Variants in C8orf34 observed in about 807,000 individuals in gnomAD.
The protein encoded by C8orf34 is uncharacterized protein C8orf34.
A neutral mutation model predicts 68.3 loss-of-function variants in C8orf34; 65 were observed. The ratio of observed to expected loss-of-function variants is 0.95; its 90% CI spans 0.78 to 1.17. The LOEUF (loss-of-function observed/expected upper bound fraction) is 1.17. C8orf34 is among the 50% of genes most tolerant of loss of function. The pLI, the probability that C8orf34 is intolerant of heterozygous loss-of-function variation, is 0.00. For synonymous variants in C8orf34, 244 were observed against 241.2 expected (o/e 1.01, Z -0.11); for missense variants, 664 against 655.4 (o/e 1.01, Z -0.14).
intron 8 of C8orf34, among the ~76,000 whole-genome samples, chr8:68,648,996 G>A (rs7017399): frequency 0.84 from 127,542 of 152,132 alleles, 53,521 homozygotes; most frequent in Middle Eastern, 0.89. Flanking sequence ...ACCATACATT[G>A]TATTTGGTTT....
chr8:68,469,737 A>T (rs1812298504), intron 4 of C8orf34, among the ~76,000 whole-genome samples: 1 of 151,688 alleles, frequency 6.6e-6, no homozygotes, highest in South Asian at 2.1e-4. Flanking sequence ...TTTTCAGTGG[A>T]AAGTAGTTAG....
At chr8:68,785,206 A>G (rs915918422) in intron 11 of C8orf34, among the ~76,000 whole-genome samples, 2 of 149,722 alleles carry the variant, frequency 1.3e-5, no homozygotes, top group Non-Finnish European at 3.0e-5. Flanking sequence ...TCTGTCTCAG[A>G]AAAAAAAAAG....
Position 68,331,173 on chromosome 8 carries a change from GT to G in C8orf34, c.162del (p.Gly56AlafsTer56), listed in dbSNP as rs1805566465. 3 of 1,532,668 alleles carry G rather than the reference GT, an allele frequency of 2.0e-6. No homozygotes were observed. Among genetic ancestry groups the G allele is most frequent in the South Asian group, 2.4e-5 (2 of 84,004 alleles). 94.9% of individuals were successfully genotyped at this position (1,532,668 alleles called of 1,614,324 possible). ...GGGCAGCCGAGGCTCCGGAGCTCCT[GT>G]CCCGGCCCCAGTCCGGGTAAAAGGA... Reference protein sequence around the residue: ...HAGQPRLRSSCPGPSPGKRRV... With the variant: ...HAGQPRLRSSXPGPSPGKRRV... On this transcript the variant is annotated frameshift_variant, in exon 1 of 14. Transcript: ENST00000518698. LOFTEE classifies it high-confidence loss of function.
chr8:68,453,980 A>AAGTGTGCCGCATTTTTTTCCAG (rs1811446256), intron 3 of C8orf34, among the ~76,000 whole-genome samples: 1 of 151,712 alleles, frequency 6.6e-6, no homozygotes, highest in African/African-American at 2.4e-5. Flanking sequence ...TATTTTTATG[A>AAGTGTGCCGCATTTTTTTCCAG]TGGAAGTGTG....
At chr8:68,582,835 T>A (rs1817105405) in intron 7 of C8orf34, among the ~76,000 whole-genome samples, 1 of 152,120 alleles carries the variant, frequency 6.6e-6, no homozygotes, top group Admixed American at 6.6e-5. Context: ...AACTTGGACT[T>A]ACATAGCATC....
intron 7 of C8orf34, among the ~76,000 whole-genome samples, chr8:68,550,879 G>T: frequency 6.6e-6 from 1 of 150,822 alleles, no homozygotes; most frequent in Admixed American, 6.6e-5. Flanking sequence ...CCTCCCTAAT[G>T]GTAAAGTTTT....
intron 10 of C8orf34, among the ~76,000 whole-genome samples, chr8:68,741,329 T>C (rs1221191958): frequency 6.6e-6 from 1 of 152,178 alleles, no homozygotes; most frequent in Non-Finnish European, 1.5e-5. Context: ...TTTAAATTGT[T>C]TATATTTTTG....
chr8:68,390,923 G>A (rs138896242), intron 1 of C8orf34, among the ~76,000 whole-genome samples: 1 of 152,108 alleles, frequency 6.6e-6, no homozygotes, highest in Non-Finnish European at 1.5e-5. Flanking sequence ...CTTCAGGAAA[G>A]CTCAGTTTTT....
At chr8:68,451,180 G>A (rs1167886852) in intron 3 of C8orf34, among the ~76,000 whole-genome samples, 1 of 152,024 alleles carries the variant, frequency 6.6e-6, no homozygotes, top group Middle Eastern at 3.2e-3. Context: ...AGCTTTCGTG[G>A]AATTGAGGAG....
At chr8:68,359,984 C>A (rs573420111) in intron 1 of C8orf34, among the ~76,000 whole-genome samples, 1 of 152,122 alleles carries the variant, frequency 6.6e-6, no homozygotes, top group Non-Finnish European at 1.5e-5. Flanking sequence ...ATTTGAAGGA[C>A]ATTTCATGGA....
intron 5 of C8orf34, among the ~76,000 whole-genome samples, chr8:68,506,930 G>A (rs1006623778): frequency 2.0e-5 from 3 of 151,934 alleles, no homozygotes; most frequent in Middle Eastern, 3.4e-3. Context: ...CCATTGATAC[G>A]CATGCTTTTT....
At chr8:68,703,779 C>T (rs756657619) in intron 8 of C8orf34, among the ~76,000 whole-genome samples, 7 of 152,018 alleles carry the variant, frequency 4.6e-5, no homozygotes, top group Non-Finnish European at 8.8e-5. Flanking sequence ...TGTTGCCTTT[C>T]CTCCTTTCAT....
chr8:68,400,360 A>C (rs914639626), intron 1 of C8orf34, among the ~76,000 whole-genome samples: 2 of 152,170 alleles, frequency 1.3e-5, no homozygotes, highest in Admixed American at 1.3e-4. Flanking sequence ...GGAGATAAGA[A>C]TCTAGTTTCA....
chr8:68,435,532 C>T (rs974891810), intron 1 of C8orf34, among the ~76,000 whole-genome samples: 2 of 152,150 alleles, frequency 1.3e-5, no homozygotes, highest in Non-Finnish European at 2.9e-5. Flanking sequence ...GTGGAACCCT[C>T]ATAGCTATCT....
intron 7 of C8orf34, among the ~76,000 whole-genome samples, chr8:68,548,960 A>G (rs1815976083): frequency 6.6e-6 from 1 of 151,848 alleles, no homozygotes; most frequent in Non-Finnish European, 1.5e-5. Context: ...ATTTGGAGAC[A>G]GGGCTTTTAG....
At chr8:68,787,736 C>T in intron 12 of C8orf34, 200 bp downstream of exon 12, 1 of 346,564 alleles carries the variant, frequency 2.9e-6, no homozygotes, top group Non-Finnish European at 5.3e-6. Flanking sequence ...TACAGAGACT[C>T]ATAGACTAAC....
chr8:68,655,519 A>T (rs763813908), intron 8 of C8orf34, among the ~76,000 whole-genome samples: 41 of 152,270 alleles, frequency 2.7e-4, no homozygotes, highest in Non-Finnish European at 5.3e-4. Flanking sequence ...TTTGAATTTT[A>T]AATTCTGATT....
In C8orf34 at chr8:68,754,337, A is replaced by G. The variant is rs1384571585; in HGVS notation, c.1405-22062A>G. On this transcript the variant is annotated intron_variant, in intron 10 of 13. Coordinates refer to ENST00000518698, the MANE Select transcript of C8orf34 (RefSeq NM_052958.4). ...CTATGCAAAATTGCTACCTTAGTTC[A>G]AAGTGGAGAAAAGAAGCCAAAATCT... 2.6e-5 allele frequency among the ~76,000 whole-genome samples: 4 copies of G among 152,354 alleles called. No homozygotes were observed. In the East Asian group the frequency reaches 7.7e-4, roughly 29 times the overall value.
intron 9 of C8orf34, among the ~76,000 whole-genome samples, chr8:68,718,126 T>C (rs1297291676): frequency 6.6e-6 from 1 of 152,166 alleles, no homozygotes; most frequent in Non-Finnish European, 1.5e-5. Flanking sequence ...GTCTCTCTGA[T>C]GTTTTCTTTC....
Sources: allele counts gnomAD v4.1 joint callset (sites outside exome capture counted in the v4.1 genomes callset), GRCh38; gene constraint gnomAD v4.1.1; transcripts MANE v1.5; gene names NCBI Gene and HGNC (gene_info 2026-07-23, HGNC 2026-07-21).